PIGL: variants seen among roughly 807,000 people sequenced by gnomAD.
The protein encoded by PIGL is N-acetylglucosaminyl-phosphatidylinositol de-N-acetylase.
In PIGL, 22 loss-of-function variants were observed where a neutral mutation model predicts 31.1. The ratio of observed to expected loss-of-function variants is 0.71; its 90% confidence interval spans 0.51 to 1.01. The LOEUF is 1.01. PIGL is among the 50% of genes least tolerant of loss of function. The probability of loss-of-function intolerance (pLI) is 0.00; values close to 1 mark genes in which losing one functional copy is unlikely to be tolerated. For missense variants in PIGL, 302 were observed against 315.9 expected (o/e 0.96, Z 0.33); for synonymous variants, 131 against 117.4 (o/e 1.12, Z -0.75).
At position 16,270,890 on chromosome 17, in the gene PIGL, C is replaced by CA. The variant is rs11350245; in HGVS notation, c.336-28985dup. On this transcript the variant is annotated intron_variant, in intron 2 of 6. Transcript: ENST00000225609. ...CCTGTGCGACAGAGCGAGACTGTCT[C>CA]AAAAAAAAAAAAAGAGAAAAGGAAA... 4.7e-4 allele frequency among the ~76,000 whole-genome samples: 67 copies of CA among 143,082 alleles called. 1 individual carries two copies. The highest frequency in any genetic ancestry group is 1.5e-3 in the Admixed American group (21 of 14,304). 93.9% of individuals were successfully genotyped at this position (143,082 alleles called of 152,430 possible).
intron 2 of PIGL, among the ~76,000 whole-genome samples, chr17:16,256,333 G>GTTGT (rs370635313): frequency 0.012 from 1,893 of 151,912 alleles, 50 homozygotes; most frequent in African/African-American, 0.043. Context: ...GGGTTTTTTT[G>GTTGT]TTGTTTGTTT....
intron 2 of PIGL, among the ~76,000 whole-genome samples, chr17:16,252,983 C>T (rs890882252): frequency 3.9e-5 from 6 of 152,222 alleles, no homozygotes; most frequent in South Asian, 2.1e-4. Context: ...TTTGGGAGGC[C>T]GAGGTGGGCG....
Position 16,316,712 on chromosome 17 carries a change from G to A in PIGL, c.526G>A (p.Gly176Arg). 6.2e-7 allele frequency: 1 copy of A among 1,609,486 alleles called. No homozygotes were observed. Among genetic ancestry groups the A allele is most frequent in the Non-Finnish European group, 8.5e-7 (1 of 1,176,198 alleles). The change falls in exon 5 of 7, where the codon GGG becomes AGG. Residue 176 changes from glycine to arginine, a missense_variant and splice_region_variant. Gly to Arg is a moderately radical substitution (Grantham distance 125). Transcript: ENST00000225609. ...ALHSEGKLPK[G>R]CSVLTLQSVN... is the part of the protein sequence containing the mutation. ...GCACTCAGAAGGGAAGTTACCTAAA[G>A]GTAAGGCTTGTTCCTTTTGCAAAGG...
chr17:16,218,894 G>A (rs1164725705), intron 1 of PIGL, among the ~76,000 whole-genome samples: 1 of 151,398 alleles, frequency 6.6e-6, no homozygotes, highest in Non-Finnish European at 1.5e-5. Flanking sequence ...AGCCAGGCTG[G>A]TCTCAAACTC....
chr17:16,275,570 A>G (rs1024646791), intron 2 of PIGL, among the ~76,000 whole-genome samples: 52 of 152,278 alleles, frequency 3.4e-4, no homozygotes, highest in African/African-American at 1.2e-3. Context: ...TGCCTCTGAC[A>G]TATTTCACCC....
At chr17:16,220,389 A>G (rs1359321338) in intron 1 of PIGL, among the ~76,000 whole-genome samples, 7 of 151,750 alleles carry the variant, frequency 4.6e-5, no homozygotes, top group South Asian at 2.1e-4. Context: ...TTGGCACTCA[A>G]TGTTTTTATT....
chr17:16,317,635 A>T, intron 5 of PIGL, 140 bp from the exon 6 acceptor site: 1 of 1,492,844 alleles, frequency 6.7e-7, no homozygotes, highest in Non-Finnish European at 8.9e-7. Context: ...GGGCAGCTTT[A>T]GTGCCACAGA....
intron 3 of PIGL, among the ~76,000 whole-genome samples, chr17:16,302,069 A>C (rs2142839614): frequency 6.6e-6 from 1 of 152,214 alleles, no homozygotes; most frequent in East Asian, 1.9e-4. Flanking sequence ...AATACAACTG[A>C]AATTTAGTAC....
At chr17:16,270,902 A>G (rs925965151) in intron 2 of PIGL, among the ~76,000 whole-genome samples, 17 of 152,126 alleles carry the variant, frequency 1.1e-4, no homozygotes, top group Admixed American at 7.2e-4. Flanking sequence ...AAAAAAAAAA[A>G]AGAGAAAAGG....
intron 3 of PIGL, among the ~76,000 whole-genome samples, chr17:16,307,672 A>G (rs1435179503): frequency 6.6e-6 from 1 of 151,470 alleles, no homozygotes; most frequent in Non-Finnish European, 1.5e-5. Flanking sequence ...CACAACCTCA[A>G]AAAAAAAAGT....
chr17:16,243,650 A>G (rs1210285278), intron 2 of PIGL, among the ~76,000 whole-genome samples: 1 of 152,150 alleles, frequency 6.6e-6, no homozygotes. Flanking sequence ...TCCTCCGTAA[A>G]CCTCGAAAGA....
At chr17:16,257,617 T>A (rs934993430) in intron 2 of PIGL, among the ~76,000 whole-genome samples, 1 of 151,438 alleles carries the variant, frequency 6.6e-6, no homozygotes, top group African/African-American at 2.4e-5. Flanking sequence ...ATCATATATA[T>A]GTATCATATA....
In PIGL at chr17:16,297,657, TCC is replaced by T. The variant is rs1330790329; in HGVS notation, c.336-2230_336-2229del. Among the ~76,000 whole-genome samples the T allele has an allele frequency of 2.0e-5, 3 of 152,200 alleles. No homozygotes were observed. The East Asian group carries it at 5.8e-4, about 29-fold the overall frequency. On this transcript the variant is annotated intron_variant, in intron 2 of 6. Transcript: ENST00000225609. ...TTTACACACTATATTCAGCTCCATT[TCC>T]AGGAAACAAAACTGAACTTTGTCCT...
At chr17:16,299,137 G>A (rs1315998808) in intron 2 of PIGL, among the ~76,000 whole-genome samples, 2 of 151,890 alleles carry the variant, frequency 1.3e-5, no homozygotes, top group Non-Finnish European at 2.9e-5. Context: ...GAACCCGGGA[G>A]GTGGAGGTTG....
At position 16,258,100 on chromosome 17, in the gene PIGL, AG is replaced by A. The variant is rs2092803132; in HGVS notation, c.335+24031del. On this transcript the variant is annotated intron_variant, in intron 2 of 6. Transcript: ENST00000225609. Reference sequence around the variant, plus strand: ...GAGAGAGAGAGAGAGAGAGAGAGAGAGAAAGAGAGAGAGAGAGAGAGAGAAA... The same window carrying A: ...GAGAGAGAGAGAGAGAGAGAGAGAGAAAAGAGAGAGAGAGAGAGAGAGAAA... 2.1e-4 allele frequency among the ~76,000 whole-genome samples: 26 copies of A among 123,244 alleles called. No individual in the cohort carries two copies. The East Asian group carries it at 3.5e-3, about 17-fold the overall frequency. 80.9% of individuals were successfully genotyped at this position (123,244 alleles called of 152,430 possible). A position where few individuals can be genotyped will look rare whatever the true frequency, so the allele number is the denominator to read the frequency against.
At chr17:16,239,623 G>A (rs2092714582) in intron 2 of PIGL, among the ~76,000 whole-genome samples, 1 of 152,172 alleles carries the variant, frequency 6.6e-6, no homozygotes, top group South Asian at 2.1e-4. Context: ...ACTGTGAATA[G>A]TGGAGAGAGA....
intron 2 of PIGL, among the ~76,000 whole-genome samples, chr17:16,247,192 C>G (rs974496053): frequency 2.0e-5 from 3 of 152,136 alleles, no homozygotes; most frequent in African/African-American, 7.2e-5. Flanking sequence ...TCCTAAAACC[C>G]TATCTCAAAA....
rs373535387 is a variant in PIGL at position 16,218,753 on chromosome 17, A to G, written c.235+1292A>G. On this transcript the variant is annotated intron_variant, in intron 1 of 6. Coordinates refer to ENST00000225609, the MANE Select transcript of PIGL (RefSeq NM_004278.4). ...GAGTGCCGTGGCGTGATCTCGGCTC[A>G]CTGCAACCTCCACCACCCGGGTTCA... is the stretch of plus-strand genomic sequence containing the variant. Among the ~76,000 whole-genome samples, 36 of 140,478 alleles carry G rather than the reference A, an allele frequency of 2.6e-4. 1 individual carries two copies. In the East Asian group the frequency reaches 7.1e-3, roughly 28 times the overall value. The allele number at this position is 140,478 out of a possible 152,430, so 92.2% of individuals were successfully genotyped here.
intron 3 of PIGL, among the ~76,000 whole-genome samples, chr17:16,301,834 G>A (rs531651014): frequency 6.6e-6 from 1 of 151,656 alleles, no homozygotes; most frequent in Non-Finnish European, 1.5e-5. Flanking sequence ...CTCCCAAAGT[G>A]CTGGGATTAC....
Sources: allele counts gnomAD v4.1 joint callset (sites outside exome capture counted in the v4.1 genomes callset), GRCh38; gene constraint gnomAD v4.1.1; transcripts MANE v1.5; gene names NCBI Gene and HGNC (gene_info 2026-07-23, HGNC 2026-07-21).